Variants in KIAA0825 observed in about 807,000 individuals in gnomAD.
The protein encoded by KIAA0825 is uncharacterized protein KIAA0825.
A neutral mutation model predicts 147.6 loss-of-function variants in KIAA0825; 119 were observed. The ratio of observed to expected loss-of-function variants is 0.81; its 90% CI spans 0.69 to 0.94. The LOEUF is 0.94. KIAA0825 is among the 40% of genes least tolerant of loss of function. KIAA0825 has a pLI of 0.00. For missense variants in KIAA0825, 1,381 were observed against 1,472.7 expected, an observed-to-expected ratio of 0.94 and a Z score of 1.02; for synonymous variants, 470 against 518.1, an observed-to-expected ratio of 0.91 and a Z score of 1.26.
At chr5:94,239,117 A>C (rs1053328714) in intron 20 of KIAA0825, among the ~76,000 whole-genome samples, 3 of 152,188 alleles carry the variant, frequency 2.0e-5, no homozygotes, top group Non-Finnish European at 4.4e-5. Context: ...CACTTTTATA[A>C]CCTAGGAAAA....
chr5:94,244,386 A>G (rs1317158706), intron 20 of KIAA0825, among the ~76,000 whole-genome samples: 2 of 152,118 alleles, frequency 1.3e-5, no homozygotes, highest in African/African-American at 4.8e-5. Flanking sequence ...AGACTGGAGT[A>G]CAGTGCCATG....
intron 3 of KIAA0825, among the ~76,000 whole-genome samples, chr5:94,535,249 C>T (rs2151322397): frequency 6.6e-6 from 1 of 152,164 alleles, no homozygotes; most frequent in East Asian, 1.9e-4. Flanking sequence ...GTGGCTCACG[C>T]CTATAATCCC....
chr5:94,462,344 G>A (rs924086529), intron 12 of KIAA0825, 43 bp downstream of exon 12: 4 of 997,438 alleles, frequency 4.0e-6, no homozygotes, highest in East Asian at 2.9e-5. Flanking sequence ...TGTTAATCAC[G>A]TTATATCATA....
chr5:94,412,340 T>C (rs539364365), intron 15 of KIAA0825, among the ~76,000 whole-genome samples: 22 of 152,320 alleles, frequency 1.4e-4, no homozygotes, highest in African/African-American at 4.8e-4. Context: ...AACAAAATTT[T>C]CACACATCAT....
At chr5:94,442,568 C>T (rs2150854072) in intron 13 of KIAA0825, among the ~76,000 whole-genome samples, 1 of 152,244 alleles carries the variant, frequency 6.6e-6, no homozygotes, top group East Asian at 1.9e-4. Context: ...TAGATGAGCC[C>T]TTTGGACTAA....
chr5:94,372,047 C>A (rs979852112), intron 20 of KIAA0825, among the ~76,000 whole-genome samples: 2 of 152,216 alleles, frequency 1.3e-5, no homozygotes, highest in African/African-American at 4.8e-5. Flanking sequence ...AGTTATTAAA[C>A]CTTAAAATTC....
intron 8 of KIAA0825, among the ~76,000 whole-genome samples, chr5:94,472,337 AAAAGT>A (rs1392363377): frequency 1.3e-5 from 2 of 152,174 alleles, no homozygotes; most frequent in East Asian, 3.9e-4. Flanking sequence ...TGATGAATGG[AAAAGT>A]AAAGCCTATC....
intron 20 of KIAA0825, among the ~76,000 whole-genome samples, chr5:94,206,044 C>G (rs1178126534): frequency 1.3e-5 from 2 of 152,026 alleles, no homozygotes; most frequent in African/African-American, 4.8e-5. Flanking sequence ...TCTCCTTTTT[C>G]TCTCTGCCGC....
At chr5:94,465,886 A>T (rs1441757797) in intron 10 of KIAA0825, among the ~76,000 whole-genome samples, 2 of 152,240 alleles carry the variant, frequency 1.3e-5, no homozygotes, top group Non-Finnish European at 2.9e-5. Context: ...ATTTACAAGC[A>T]TTAATCAGGT....
intron 3 of KIAA0825, among the ~76,000 whole-genome samples, chr5:94,526,329 TGGCACAGTG>T (rs904337282): frequency 3.9e-5 from 6 of 151,962 alleles, no homozygotes; most frequent in African/African-American, 4.8e-5. Flanking sequence ...CAGCACCCTC[TGGCACAGTG>T]GGGATGGAAG....
chr5:94,441,028 G>A (rs534069526), intron 13 of KIAA0825, among the ~76,000 whole-genome samples: 1 of 152,166 alleles, frequency 6.6e-6, no homozygotes, highest in South Asian at 2.1e-4. Context: ...CAATCTAGAG[G>A]TGAGAATGGG....
chr5:94,445,938 C>G (rs1562504371), intron 13 of KIAA0825, among the ~76,000 whole-genome samples: 1 of 152,156 alleles, frequency 6.6e-6, no homozygotes, highest in Admixed American at 6.6e-5. Context: ...CTTGGCACCT[C>G]ATCAGAGCAC....
At chr5:94,471,843 T>C (rs1433021732) in intron 8 of KIAA0825, 112 bp from the exon 9 acceptor site, 1 of 927,452 alleles carries the variant, frequency 1.1e-6, no homozygotes, top group African/African-American at 1.7e-5. Context: ...AACATAAATA[T>C]AATGACGCAG....
At chr5:94,322,002 C>T (rs1187227030) in intron 20 of KIAA0825, among the ~76,000 whole-genome samples, 1 of 151,840 alleles carries the variant, frequency 6.6e-6, no homozygotes, top group Non-Finnish European at 1.5e-5. Flanking sequence ...GGTTTTTACA[C>T]AACTTTAATA....
Position 94,482,394 on chromosome 5 carries a change from G to A in KIAA0825, c.1132+2375C>T, listed in dbSNP as rs146867055. Among the ~76,000 whole-genome samples, 580 of 152,066 alleles carry A rather than the reference G, an allele frequency of 3.8e-3. 4 individuals are homozygous for A. The highest frequency in any genetic ancestry group is 0.012 in the African/African-American group (502 of 41,508). ...CATATGTTTGGGTTACATAGACATC[G>A]TAGGCAACTCTTTCCAAGATCTTTA... On this transcript the variant is annotated intron_variant, in intron 6 of 20. Coordinates refer to ENST00000682413, the MANE Select transcript of KIAA0825 (RefSeq NM_001145678.3).
chr5:94,236,336 T>G (rs191820598), intron 20 of KIAA0825, among the ~76,000 whole-genome samples: 55 of 152,268 alleles, frequency 3.6e-4, no homozygotes, highest in African/African-American at 1.2e-3. Context: ...GCAGAAGTGA[T>G]GGAAACAGCA....
In KIAA0825 at chr5:94,225,576, T is replaced by C. The variant is rs1044853935; in HGVS notation, c.3711-71452A>G. 1.4e-4 allele frequency among the ~76,000 whole-genome samples: 21 copies of C among 152,218 alleles called. 1 individual carries two copies. Among genetic ancestry groups the C allele is most frequent in the Admixed American group, 1.2e-3 (18 of 15,286 alleles). On this transcript the variant is annotated intron_variant, in intron 20 of 20. Coordinates refer to ENST00000682413, the MANE Select transcript of KIAA0825 (RefSeq NM_001145678.3). ...CTAATAAGAAGAAAGATGAGTTTGC[T>C]GTCTCTGCTCTGCTTTCTACTATAT... is the stretch of plus-strand genomic sequence containing the variant.
intron 20 of KIAA0825, among the ~76,000 whole-genome samples, chr5:94,382,537 G>T (rs547232998): frequency 1.6e-4 from 24 of 152,094 alleles, no homozygotes; most frequent in Non-Finnish European, 1.8e-4. Flanking sequence ...GCTCGTGTGC[G>T]GTAGCTTTGC....
In KIAA0825 at chr5:94,520,440, TAA is replaced by T; in HGVS notation, c.776_777del (p.Phe259Ter). 1 of 1,612,768 alleles carries T rather than the reference TAA, an allele frequency of 6.2e-7. No individual in the cohort carries two copies. Among genetic ancestry groups the T allele is most frequent in the Non-Finnish European group, 8.5e-7 (1 of 1,178,988 alleles). On this transcript the variant is annotated frameshift_variant, in exon 5 of 21. Coordinates refer to ENST00000682413, the MANE Select transcript of KIAA0825 (RefSeq NM_001145678.3). LOFTEE classifies it high-confidence loss of function. ...GGAGCTAAAATTTCACATAGTGTGT[TAA>T]AATCCTCTTTTATTACTGAGTATAA... ...LKLYSVIKED[F>X]NTLCEILAPS... is the part of the protein sequence containing the mutation.
Sources: gnomAD v4.1 joint callset for allele counts (sites outside exome capture counted in the v4.1 genomes callset) on GRCh38, gnomAD v4.1.1 for gene constraint, MANE v1.5 for transcripts, NCBI Gene and HGNC (gene_info 2026-07-23, HGNC 2026-07-21) for gene names.